Variants in B4GALT6 observed in about 807,000 individuals in gnomAD.
B4GALT6 encodes the protein UDP-Gal:beta-GlcNAc beta-1,4-galactosyltransferase 6.
Under a neutral mutation model 46.3 loss-of-function variants are expected in B4GALT6, and 14 were observed. The ratio of observed to expected loss-of-function variants is 0.30; its 90% CI spans 0.20 to 0.47. The LOEUF (loss-of-function observed/expected upper bound fraction) is 0.47, where lower values mean the gene tolerates loss of function less well. B4GALT6 is among the 20% of genes least tolerant of loss of function. The pLI, the probability that B4GALT6 is intolerant of heterozygous loss-of-function variation, is 0.99. For synonymous variants in B4GALT6, 168 were observed against 162.0 expected (o/e 1.04, Z -0.28); for missense variants, 386 against 480.1 (o/e 0.80, Z 1.83).
chr18:31,639,457 C>CA (rs1395030870), intron 4 of B4GALT6, among the ~76,000 whole-genome samples: 1 of 152,076 alleles, frequency 6.6e-6, no homozygotes, highest in Non-Finnish European at 1.5e-5. Context: ...CCATAGCATA[C>CA]AAAAAACCTC....
intron 3 of B4GALT6, among the ~76,000 whole-genome samples, chr18:31,648,768 T>C (rs1023278099): frequency 6.6e-6 from 1 of 152,230 alleles, no homozygotes; most frequent in South Asian, 2.1e-4. Flanking sequence ...AACCTATGAA[T>C]TACCTACGTT....
At chr18:31,685,080 C>T (rs545335943), upstream of B4GALT6, among the ~76,000 whole-genome samples, 296 of 146,268 alleles carry the variant, frequency 2.0e-3, no homozygotes, top group African/African-American at 7.1e-3. Flanking sequence ...ACCGAGCCGC[C>T]TCCTCATGCC....
chr18:31,653,609 T>C (rs1433848678), intron 3 of B4GALT6, among the ~76,000 whole-genome samples: 1 of 151,862 alleles, frequency 6.6e-6, no homozygotes, highest in African/African-American at 2.4e-5. Context: ...ACTTGGCTAA[T>C]TTTTGTGTGT....
chr18:31,654,425 T>C (rs557931489), intron 3 of B4GALT6, among the ~76,000 whole-genome samples: 1 of 152,326 alleles, frequency 6.6e-6, no homozygotes, highest in South Asian at 2.1e-4. Flanking sequence ...GGAAAATCTA[T>C]AAATACTAAC....
intron 4 of B4GALT6, among the ~76,000 whole-genome samples, chr18:31,642,423 A>AT (rs1161339570): frequency 6.6e-6 from 1 of 152,218 alleles, no homozygotes; most frequent in African/African-American, 2.4e-5. Context: ...ACATTGGACT[A>AT]TAAATGAAAC....
chr18:31,666,862 G>A (rs1039100116), intron 1 of B4GALT6, among the ~76,000 whole-genome samples: 2 of 152,034 alleles, frequency 1.3e-5, no homozygotes, highest in African/African-American at 2.4e-5. Context: ...ATGTGTTTGC[G>A]GGGAGGGGTG....
the B4GALT6 span, among the ~76,000 whole-genome samples, chr18:31,706,805 T>C: frequency 6.6e-6 from 1 of 152,274 alleles, no homozygotes; most frequent in South Asian, 2.1e-4. Context: ...ATAGACTAAA[T>C]CAGAAACAGC....
the B4GALT6 span, among the ~76,000 whole-genome samples, chr18:31,714,989 T>G: frequency 6.6e-6 from 1 of 152,356 alleles, no homozygotes; most frequent in Admixed American, 6.5e-5. Flanking sequence ...GAGTTTCAGA[T>G]AAACAATGAA....
rs1567987419 is a variant in B4GALT6 at position 31,684,555 on chromosome 18, TG to T, written c.-130del. On this transcript the variant is annotated 5_prime_UTR_variant, in exon 1 of 9. Coordinates refer to ENST00000306851, the MANE Select transcript of B4GALT6 (RefSeq NM_004775.5). Reference sequence around the variant, plus strand: ...CAGCGGGGTCCGCGCGGGGAGGCTCTGGGGAGAGGGCCCGAGCGGAAAAGAG... The same window carrying T: ...CAGCGGGGTCCGCGCGGGGAGGCTCTGGGAGAGGGCCCGAGCGGAAAAGAG... 6.9e-7 allele frequency: 1 copy of T among 1,452,578 alleles called. No homozygotes were observed. The highest frequency in any genetic ancestry group is 1.3e-5 in the South Asian group (1 of 75,362). 90.0% of individuals were successfully genotyped at this position (1,452,578 alleles called of 1,614,324 possible).
At chr18:31,712,580 T>C in the B4GALT6 span, among the ~76,000 whole-genome samples, 1 of 152,136 alleles carries the variant, frequency 6.6e-6, no homozygotes, top group Non-Finnish European at 1.5e-5. Flanking sequence ...CCTCCCAAAG[T>C]GTTGGGATTA....
At chr18:31,685,243 G>T (rs867142790), upstream of B4GALT6, among the ~76,000 whole-genome samples, 69 of 151,012 alleles carry the variant, frequency 4.6e-4, no homozygotes, top group African/African-American at 1.5e-3. Flanking sequence ...CGCGCCCGGG[G>T]TGAGGCGCCC....
At chr18:31,692,488 G>C in the B4GALT6 span, among the ~76,000 whole-genome samples, 1 of 152,096 alleles carries the variant, frequency 6.6e-6, no homozygotes, top group Non-Finnish European at 1.5e-5. Flanking sequence ...TACACTTTTG[G>C]CTTACAATGT....
chr18:31,659,432 T>C (rs2074184478), intron 2 of B4GALT6, among the ~76,000 whole-genome samples: 1 of 152,152 alleles, frequency 6.6e-6, no homozygotes, highest in Non-Finnish European at 1.5e-5. Flanking sequence ...TCACGCCACC[T>C]GCAAGACTGC....
chr18:31,650,454 GTGGCAAAAGCTTC>G (rs2074050531), intron 3 of B4GALT6, among the ~76,000 whole-genome samples: 1 of 152,186 alleles, frequency 6.6e-6, no homozygotes, highest in Non-Finnish European at 1.5e-5. Flanking sequence ...ACCCGAAGTG[GTGGCAAAAGCTTC>G]TAGCTTTACA....
At chr18:31,702,725 A>G in the B4GALT6 span, among the ~76,000 whole-genome samples, 2 of 152,196 alleles carry the variant, frequency 1.3e-5, no homozygotes, top group African/African-American at 4.8e-5. Context: ...AGCTGGAGAG[A>G]GCCACAGTGG....
At chr18:31,700,115 A>T in the B4GALT6 span, among the ~76,000 whole-genome samples, 1 of 152,184 alleles carries the variant, frequency 6.6e-6, no homozygotes, top group Admixed American at 6.5e-5. Context: ...CACATAAAGA[A>T]TCATCAATCT....
At position 31,625,600 on chromosome 18, in the gene B4GALT6, G is replaced by A. The variant is rs188400501; in HGVS notation, c.*14C>T. The A allele has an allele frequency of 1.2e-4, 188 of 1,613,236 alleles. No individual in the cohort carries two copies. The African/African-American group carries it at 1.9e-3, about 17-fold the overall frequency. On this transcript the variant is annotated 3_prime_UTR_variant, in exon 9 of 9. Transcript: ENST00000306851. ...CCAGCATTGTGGTCTACCTTGCCAC[G>A]ACAGCCACTTCTTTTAATAGTCTTC...
intron 2 of B4GALT6, among the ~76,000 whole-genome samples, chr18:31,661,074 A>G (rs2074208626): frequency 6.6e-6 from 1 of 152,140 alleles, no homozygotes; most frequent in Non-Finnish European, 1.5e-5. Context: ...AATTGGGGGG[A>G]AAAAGAGTTA....
At chr18:31,659,768 A>T (rs2074189012) in intron 2 of B4GALT6, among the ~76,000 whole-genome samples, 1 of 152,096 alleles carries the variant, frequency 6.6e-6, no homozygotes, top group Admixed American at 6.5e-5. Context: ...AAAATCTTCC[A>T]AATAACAAGG....
Sources: gnomAD v4.1 joint callset for allele counts (sites outside exome capture counted in the v4.1 genomes callset) on GRCh38, gnomAD v4.1.1 for gene constraint, MANE v1.5 for transcripts, NCBI Gene and HGNC (gene_info 2026-07-23, HGNC 2026-07-21) for gene names.